Variants in ANKRD42 observed in about 807,000 individuals in gnomAD.
ANKRD42 encodes ankyrin repeat domain-containing protein 42.
Under a neutral mutation model 51.5 loss-of-function variants are expected in ANKRD42, and 43 were observed. The observed-to-expected ratio is 0.83, with a 90% CI of 0.65 to 1.08. The LOEUF (loss-of-function observed/expected upper bound fraction) is 1.08, where lower values mean the gene tolerates loss of function less well. Ranked by LOEUF, ANKRD42 falls within the 50% of genes least tolerant of loss-of-function variation. The pLI is 0.00. For synonymous variants in ANKRD42, 203 were observed against 213.0 expected (o/e 0.95, Z 0.41); for missense variants, 608 against 629.3 (o/e 0.97, Z 0.36).
intron 10 of ANKRD42, among the ~76,000 whole-genome samples, chr11:83,246,315 A>G (rs1443384993): frequency 1.3e-5 from 2 of 152,228 alleles, no homozygotes; most frequent in Non-Finnish European, 2.9e-5. Context: ...GAGATGATTC[A>G]AATTATACAG....
At chr11:83,211,551 CT>C (rs1256190488) in intron 5 of ANKRD42, 121 bp downstream of exon 5, 5 of 1,100,530 alleles carry the variant, frequency 4.5e-6, no homozygotes, top group Non-Finnish European at 6.4e-6. Flanking sequence ...AATCTCAGCA[CT>C]TTGAGAGGCT....
chr11:83,203,769 T>A (rs1026892900), intron 2 of ANKRD42, among the ~76,000 whole-genome samples: 1 of 152,196 alleles, frequency 6.6e-6, no homozygotes, highest in Non-Finnish European at 1.5e-5. Context: ...ATTTTTGATA[T>A]TTATATATTG....
chr11:83,249,686 C>G (rs185828631), downstream of ANKRD42, among the ~76,000 whole-genome samples: 39 of 152,284 alleles, frequency 2.6e-4, no homozygotes, highest in Admixed American at 2.6e-4. Context: ...AGAGCTGTCT[C>G]AAGGTCCCTG....
intron 2 of ANKRD42, among the ~76,000 whole-genome samples, chr11:83,200,878 TC>T (rs1236557359): frequency 6.6e-6 from 1 of 152,190 alleles, no homozygotes; most frequent in Non-Finnish European, 1.5e-5. Flanking sequence ...TAACCTCATC[TC>T]CCATCATAAT....
chr11:83,202,066 C>T (rs1376289039), intron 2 of ANKRD42, among the ~76,000 whole-genome samples: 2 of 152,102 alleles, frequency 1.3e-5, no homozygotes, highest in South Asian at 2.1e-4. Flanking sequence ...AAGTCTTTGC[C>T]CATGGCTATG....
chr11:83,217,976 G>A (rs946195373), intron 5 of ANKRD42, among the ~76,000 whole-genome samples: 1 of 152,172 alleles, frequency 6.6e-6, no homozygotes, highest in African/African-American at 2.4e-5. Flanking sequence ...GCCAGGTTTA[G>A]TAATGCCTCC....
At chr11:83,222,821 G>A (rs1428492661) in intron 5 of ANKRD42, among the ~76,000 whole-genome samples, 1 of 152,092 alleles carries the variant, frequency 6.6e-6, no homozygotes, top group African/African-American at 2.4e-5. Flanking sequence ...GCCCAGTCTG[G>A]TCTCAAACTT....
chr11:83,198,709 A>C, intron 2 of ANKRD42, 67 bp downstream of exon 2: 1 of 1,430,144 alleles, frequency 7.0e-7, no homozygotes, highest in Non-Finnish European at 9.4e-7. Context: ...AAATTTAGCA[A>C]ACAGGGCTGA....
chr11:83,213,434 TAAAA>T, intron 5 of ANKRD42: 1 of 1,483,798 alleles, frequency 6.7e-7, no homozygotes, highest in African/African-American at 1.4e-5. Flanking sequence ...TGTGTTTAAA[TAAAA>T]CTGTAAAAAC....
chr11:83,253,666 T>C (rs368337190), downstream of ANKRD42, among the ~76,000 whole-genome samples: 1 of 152,188 alleles, frequency 6.6e-6, no homozygotes, highest in Non-Finnish European at 1.5e-5. Context: ...TCTATTGAGT[T>C]TAGGAGAAAA....
At chr11:83,196,161 C>G (rs1009045453) in intron 1 of ANKRD42, among the ~76,000 whole-genome samples, 4 of 152,118 alleles carry the variant, frequency 2.6e-5, no homozygotes, top group African/African-American at 9.7e-5. Flanking sequence ...ACTCTTTAGT[C>G]TTGCCTTTTT....
intron 5 of ANKRD42, among the ~76,000 whole-genome samples, chr11:83,216,131 G>A (rs933778733): frequency 6.6e-6 from 1 of 151,968 alleles, no homozygotes; most frequent in African/African-American, 2.4e-5. Flanking sequence ...CTCTTAACAG[G>A]TTGCTATAGC....
intron 1 of ANKRD42, among the ~76,000 whole-genome samples, chr11:83,196,743 C>T (rs963368661): frequency 4.6e-5 from 7 of 152,062 alleles, no homozygotes; most frequent in Non-Finnish European, 7.4e-5. Context: ...ACCAGACTTA[C>T]GTTGAGTAGA....
intron 5 of ANKRD42, chr11:83,213,684 GTGA>G: frequency 2.1e-6 from 1 of 480,370 alleles, no homozygotes; most frequent in South Asian, 3.6e-5. Context: ...TTTTGTGTGT[GTGA>G]TGTACTAGTT....
chr11:83,227,750 T>C lies in ANKRD42; in HGVS notation c.791T>C (p.Leu264Ser). ...TGCTGAATTTTTTTATTCATAGCTT[T>C]AGCATTTCCAGGTCATGTGGCTGCC... The part of the protein sequence containing the change: ...EGKDLEDQET[L>S]AFPGHVAAFK... The change falls in exon 7 of 11, where the codon TTA (leucine) becomes TCA (serine). Residue 264 changes from leucine (L) to serine (S), a missense_variant. By Grantham distance (145) the Leu-to-Ser change is moderately radical. Coordinates refer to ENST00000533342, the MANE Select transcript of ANKRD42 (RefSeq NM_001300975.2). The C allele has an allele frequency of 6.2e-7, 1 of 1,607,442 alleles. No homozygotes were observed. Among genetic ancestry groups the C allele is most frequent in the South Asian group, 1.1e-5 (1 of 89,470 alleles).
At chr11:83,209,688 TC>T in intron 3 of ANKRD42, 1 of 734,464 alleles carries the variant, frequency 1.4e-6, no homozygotes, top group Non-Finnish European at 2.5e-6. Context: ...TGTCCTTACT[TC>T]CTAACATCTT....
At chr11:83,221,220 G>A (rs1862708677) in intron 5 of ANKRD42, among the ~76,000 whole-genome samples, 1 of 151,986 alleles carries the variant, frequency 6.6e-6, no homozygotes, top group African/African-American at 2.4e-5. Context: ...TCAATTTTAA[G>A]ATTTCTGTTT....
intron 7 of ANKRD42, among the ~76,000 whole-genome samples, chr11:83,234,680 A>T (rs974517095): frequency 8.5e-5 from 13 of 152,362 alleles, no homozygotes; most frequent in African/African-American, 3.1e-4. Context: ...ATCCATGCTC[A>T]TAAATATGAT....
At chr11:83,241,459 TGA>T (rs2135551148) in intron 9 of ANKRD42, among the ~76,000 whole-genome samples, 1 of 152,294 alleles carries the variant, frequency 6.6e-6, no homozygotes, top group South Asian at 2.1e-4. Flanking sequence ...TAGGCCTCTC[TGA>T]GGTGGTGATG....
Sources: gnomAD v4.1 joint callset for allele counts (sites outside exome capture counted in the v4.1 genomes callset) on GRCh38, gnomAD v4.1.1 for gene constraint, MANE v1.5 for transcripts, NCBI Gene and HGNC (gene_info 2026-07-23, HGNC 2026-07-21) for gene names.